Variants in TRIM36 observed in about 807,000 individuals in gnomAD.
TRIM36 encodes E3 ubiquitin-protein ligase TRIM36.
TRIM36 carries 42 observed loss-of-function variants against 72.4 expected under a neutral mutation model. That is an observed-to-expected ratio of 0.58 (90% CI 0.45 to 0.75). The LOEUF (loss-of-function observed/expected upper bound fraction) is 0.75. TRIM36 is among the 30% of genes least tolerant of loss of function. TRIM36 has a pLI of 0.00. For missense variants in TRIM36, 913 were observed against 857.1 expected, an observed-to-expected ratio of 1.07 and a Z score of -0.81; for synonymous variants, 315 against 282.8, an observed-to-expected ratio of 1.11 and a Z score of -1.14.
At chr5:115,160,507 G>GCCACTAGTATGGTA (rs1262943980) in intron 2 of TRIM36, among the ~76,000 whole-genome samples, 7 of 152,044 alleles carry the variant, frequency 4.6e-5, no homozygotes, top group African/African-American at 1.7e-4. Context: ...CTACCATACT[G>GCCACTAGTATGGTA]GACAATCCGG....
chr5:115,177,903 GC>G, intron 1 of TRIM36: 2 of 1,596,136 alleles, frequency 1.3e-6, no homozygotes, highest in Non-Finnish European at 1.7e-6. Context: ...GAGAGAGAGA[GC>G]AGAGAAATCC....
chr5:115,147,241 G>A lies in TRIM36; in HGVS notation c.416C>T (p.Ala139Val), dbSNP rs1188282614. The A allele has an allele frequency of 9.9e-6, 16 of 1,614,160 alleles. No individual in the cohort carries two copies. Among genetic ancestry groups the A allele is most frequent in the Non-Finnish European group, 1.4e-5 (16 of 1,180,038 alleles). Reference protein sequence around the residue: ...IVERYRQAARAATAIMCDLCK... With the variant: ...IVERYRQAARVATAIMCDLCK... ...AAGGTCACACATAATGGCTGTGGCTGCCCTAGCTGCTTGACGATATCTTTC... is the reference window on the plus strand; with the variant it reads ...AAGGTCACACATAATGGCTGTGGCTACCCTAGCTGCTTGACGATATCTTTC... The change falls in exon 3 of 10, where the codon GCA becomes GTA. Residue 139 changes from alanine to valine, a missense_variant. Transcript: ENST00000513154.
intron 1 of TRIM36, chr5:115,179,932 A>C (rs750830877): frequency 5.0e-6 from 8 of 1,584,872 alleles, no homozygotes; most frequent in Non-Finnish European, 6.9e-6. Context: ...GTAGTGCCGG[A>C]GTCGGGGGCC....
intron 1 of TRIM36, among the ~76,000 whole-genome samples, chr5:115,165,630 T>C (rs982102575): frequency 1.3e-5 from 2 of 152,100 alleles, no homozygotes; most frequent in Non-Finnish European, 2.9e-5. Flanking sequence ...CTGGCTGCAG[T>C]TGGGAAGGCA....
intron 6 of TRIM36, 91 bp downstream of exon 6, chr5:115,137,272 T>C (rs1039226539): frequency 2.0e-6 from 3 of 1,514,192 alleles, no homozygotes; most frequent in Admixed American, 4.4e-5. Flanking sequence ...TAACACAGCA[T>C]TATGGACCAA....
At chr5:115,130,966 C>A in intron 8 of TRIM36, 77 bp from the exon 9 acceptor site, 1 of 1,469,202 alleles carries the variant, frequency 6.8e-7, no homozygotes, top group Non-Finnish European at 9.1e-7. Flanking sequence ...GGTTTTCTTA[C>A]AGAAATTACT....
rs777817315 is a variant in TRIM36, at chr5:115,133,909, G to C, written c.1449C>G (p.Ile483Met). The part of the protein sequence containing the change: ...AFRVRAYKGS[I>M]CSPCSRELIL... Reference sequence around the variant, plus strand: ...TCAATTCTCTGCTGCAAGGACTACAGATTGAACCCTTGTAAGCTCTTACTC... The same window carrying C: ...TCAATTCTCTGCTGCAAGGACTACACATTGAACCCTTGTAAGCTCTTACTC... Residue 483 changes from isoleucine to methionine, a missense_variant, in exon 8 of 10, where the codon ATC (isoleucine) becomes ATG (methionine). Coordinates refer to ENST00000513154, the MANE Select transcript of TRIM36 (RefSeq NM_001300759.2). The C allele has an allele frequency of 2.5e-6, 4 of 1,612,894 alleles. No individual in the cohort carries two copies. The highest frequency in any genetic ancestry group is 1.1e-5 in the South Asian group (1 of 90,746).
chr5:115,144,620 C>T lies in TRIM36; in HGVS notation c.713G>A (p.Ser238Asn). The T allele has an allele frequency of 6.2e-7, 1 of 1,613,986 alleles. No individual in the cohort carries two copies. Among genetic ancestry groups the T allele is most frequent in the African/African-American group, 1.3e-5 (1 of 75,028 alleles). The change falls in exon 4 of 10, where the codon AGC becomes AAC. Residue 238 changes from serine to asparagine, a missense_variant. Coordinates refer to ENST00000513154, the MANE Select transcript of TRIM36 (RefSeq NM_001300759.2). Reference sequence around the variant, plus strand: ...TACCTTTAAGGTTTTGTAGGCACTGCTCATAGTGGTTACACGGTGGTTGGC... The same window carrying T: ...TACCTTTAAGGTTTTGTAGGCACTGTTCATAGTGGTTACACGGTGGTTGGC... ...NHANHRVTTM[S>N]SAYKTLKEKL...
At chr5:115,143,237 A>C (rs1001775422) in intron 4 of TRIM36, among the ~76,000 whole-genome samples, 5 of 151,120 alleles carry the variant, frequency 3.3e-5, no homozygotes, top group African/African-American at 4.9e-5. Flanking sequence ...AAAAAAAAAA[A>C]AAAAAAAAAA....
intron 5 of TRIM36, 145 bp from the exon 6 acceptor site, chr5:115,137,761 C>G: frequency 2.2e-6 from 2 of 923,190 alleles, no homozygotes; most frequent in African/African-American, 1.7e-5. Flanking sequence ...TAAAACCAAC[C>G]TAGATATTAT....
chr5:115,135,770 A>T (rs1272044988), intron 7 of TRIM36, among the ~76,000 whole-genome samples: 1 of 152,220 alleles, frequency 6.6e-6, no homozygotes, highest in East Asian at 1.9e-4. Flanking sequence ...ATTTTAAGTG[A>T]TGACAAATAT....
intron 2 of TRIM36, chr5:115,153,646 C>CA (rs1348232165): frequency 6.6e-6 from 1 of 152,586 alleles, no homozygotes; most frequent in Non-Finnish European, 1.5e-5. Flanking sequence ...GCTGGGATTA[C>CA]AGGTGGGTGC....
intron 2 of TRIM36, among the ~76,000 whole-genome samples, chr5:115,158,227 C>A (rs1323916173): frequency 6.6e-6 from 1 of 152,286 alleles, no homozygotes; most frequent in East Asian, 1.9e-4. Context: ...TCTGTGGGGA[C>A]AATAATATTT....
At chr5:115,145,663 A>T (rs1753551047) in intron 3 of TRIM36, among the ~76,000 whole-genome samples, 1 of 152,220 alleles carries the variant, frequency 6.6e-6, no homozygotes, top group African/African-American at 2.4e-5. Context: ...AGAAGCTGGG[A>T]TCACAGGCAT....
Position 115,126,375 on chromosome 5 carries a change from A to G in TRIM36, c.*128T>C, listed in dbSNP as rs1752357736. On this transcript the variant is annotated 3_prime_UTR_variant, in exon 10 of 10. Transcript: ENST00000513154. ...AGGCTGTTTAGATTTTCTGTATTTC[A>G]AGAAGAATCATACTCAAACACAAGT... 2.8e-6 allele frequency: 2 copies of G among 710,194 alleles called. No individual in the cohort carries two copies. Among genetic ancestry groups the G allele is most frequent in the Non-Finnish European group, 4.5e-6 (2 of 444,582 alleles). The allele number at this position is 710,194 out of a possible 1,614,324, so 44.0% of individuals were successfully genotyped here. A position where few individuals can be genotyped will look rare whatever the true frequency, so the allele number is the denominator to read the frequency against.
At chr5:115,136,558 T>C (rs1317747541) in intron 7 of TRIM36, among the ~76,000 whole-genome samples, 1 of 152,012 alleles carries the variant, frequency 6.6e-6, no homozygotes, top group African/African-American at 2.4e-5. Context: ...GAAACTCACA[T>C]ACACTTGCCC....
At chr5:115,134,260 T>C in intron 7 of TRIM36, 113 bp from the exon 8 acceptor site, 1 of 890,918 alleles carries the variant, frequency 1.1e-6, no homozygotes, top group Non-Finnish European at 1.5e-6. Flanking sequence ...ATACTAATAC[T>C]TTTCTAAATT....
At chr5:115,128,993 A>G (rs976571455) in intron 9 of TRIM36, among the ~76,000 whole-genome samples, 5 of 151,866 alleles carry the variant, frequency 3.3e-5, no homozygotes, top group African/African-American at 1.2e-4. Context: ...GAAGTATACA[A>G]TTTTTTATCT....
At chr5:115,163,891 C>T in intron 1 of TRIM36, 139 bp from the exon 2 acceptor site, 1 of 815,200 alleles carries the variant, frequency 1.2e-6, no homozygotes, top group Non-Finnish European at 1.9e-6. Context: ...AATTTCTTTT[C>T]CCCAATAAAA....
Sources: allele counts gnomAD v4.1 joint callset (sites outside exome capture counted in the v4.1 genomes callset), GRCh38; gene constraint gnomAD v4.1.1; transcripts MANE v1.5; gene names NCBI Gene and HGNC (gene_info 2026-07-23, HGNC 2026-07-21).